Variants in TNFSF4 observed in about 807,000 individuals in gnomAD.
The protein encoded by TNFSF4 is TNF superfamily member 4.
A neutral mutation model predicts 7.3 loss-of-function variants in TNFSF4; 4 were observed. That is an observed-to-expected ratio of 0.55 (90% CI 0.27 to 1.25). TNFSF4 has a LOEUF of 1.25. TNFSF4 is among the 50% of genes most tolerant of loss of function. TNFSF4 has a pLI of 0.12. For missense variants in TNFSF4, 181 were observed against 208.8 expected, an observed-to-expected ratio of 0.87 and a Z score of 0.82; for synonymous variants, 76 against 83.7, an observed-to-expected ratio of 0.91 and a Z score of 0.50.
chr1:173,234,017 A>C, the TNFSF4 span, among the ~76,000 whole-genome samples: 1 of 152,238 alleles, frequency 6.6e-6, no homozygotes, highest in Non-Finnish European at 1.5e-5. Context: ...GGCAACCTAC[A>C]GAATGGGAGA....
chr1:173,242,251 G>T, the TNFSF4 span, among the ~76,000 whole-genome samples: 1 of 152,082 alleles, frequency 6.6e-6, no homozygotes, highest in Non-Finnish European at 1.5e-5. Flanking sequence ...ATGATCATCT[G>T]GTTATGACAG....
At chr1:173,189,653 G>T (rs538600043) in intron 1 of TNFSF4, among the ~76,000 whole-genome samples, 129 of 152,182 alleles carry the variant, frequency 8.5e-4, no homozygotes, top group Non-Finnish European at 1.3e-3. Flanking sequence ...GTAAAAAAAA[G>T]TTGGGGGGGG....
chr1:173,357,018 G>C, the TNFSF4 span, among the ~76,000 whole-genome samples: 1 of 152,082 alleles, frequency 6.6e-6, no homozygotes. Flanking sequence ...TTCTCTTTTT[G>C]TTCCTAACTG....
Position 173,186,815 on chromosome 1 carries a change from T to G in TNFSF4, c.253A>C (p.Ile85Leu). ...FILTSQKEDE[I>L]MKVQNNSVII... Reference sequence around the variant, plus strand: ...ACTGAGTTGTTCTGCACCTTCATGATTTCATCCTCCTTTTGGGAAGTGAGG... The same window carrying G: ...ACTGAGTTGTTCTGCACCTTCATGAGTTCATCCTCCTTTTGGGAAGTGAGG... The change falls in exon 3 of 3, where the codon ATC (isoleucine) becomes CTC (leucine). Residue 85 changes from isoleucine to leucine, a missense_variant. Ile to Leu is a conservative substitution (Grantham distance 5, BLOSUM62 2). Transcript: ENST00000281834. 1.9e-6 allele frequency: 3 copies of G among 1,611,836 alleles called. No individual in the cohort carries two copies. Among genetic ancestry groups the G allele is most frequent in the Non-Finnish European group, 2.5e-6 (3 of 1,178,830 alleles).
the TNFSF4 span, among the ~76,000 whole-genome samples, chr1:173,434,918 G>T: frequency 6.6e-6 from 1 of 152,186 alleles, no homozygotes; most frequent in Non-Finnish European, 1.5e-5. Context: ...AAACACTGAA[G>T]AAAGAAAGAG....
chr1:173,382,194 C>T, the TNFSF4 span, among the ~76,000 whole-genome samples: 1 of 152,048 alleles, frequency 6.6e-6, no homozygotes, highest in Admixed American at 6.5e-5. Flanking sequence ...AGACCACAAA[C>T]CCACCGGGAG....
the TNFSF4 span, among the ~76,000 whole-genome samples, chr1:173,228,148 C>T: frequency 6.6e-6 from 1 of 152,198 alleles, no homozygotes; most frequent in Non-Finnish European, 1.5e-5. Flanking sequence ...GGTCCCTGAC[C>T]CATGAGTAGC....
At chr1:173,273,819 A>G in the TNFSF4 span, among the ~76,000 whole-genome samples, 4 of 152,242 alleles carry the variant, frequency 2.6e-5, no homozygotes, top group African/African-American at 9.6e-5. Flanking sequence ...CATAGAATAT[A>G]GCAAACTATT....
At chr1:173,229,654 C>G in the TNFSF4 span, among the ~76,000 whole-genome samples, 2 of 152,106 alleles carry the variant, frequency 1.3e-5, no homozygotes, top group African/African-American at 2.4e-5. Flanking sequence ...GATAAAGAGT[C>G]AAGACCCATC....
the TNFSF4 span, among the ~76,000 whole-genome samples, chr1:173,255,489 T>A: frequency 0.051 from 7,786 of 152,300 alleles, 239 homozygotes; most frequent in East Asian, 0.13. Flanking sequence ...GTATTGGCTA[T>A]TTGGTATTAA....
chr1:173,420,529 G>A, the TNFSF4 span, among the ~76,000 whole-genome samples: 2 of 145,982 alleles, frequency 1.4e-5, no homozygotes, highest in Non-Finnish European at 3.0e-5. Flanking sequence ...TGGCCACCAG[G>A]TGGCAGTAAA....
chr1:173,222,128 T>C, the TNFSF4 span, among the ~76,000 whole-genome samples: 2 of 152,056 alleles, frequency 1.3e-5, no homozygotes, highest in South Asian at 2.1e-4. Context: ...AGGTATATTT[T>C]CTCCCTCCAA....
rs977751503 is a variant in TNFSF4 at position 173,185,564 on chromosome 1, C to G, written c.*952G>C. 6.6e-6 allele frequency: 1 copy of G among 152,176 alleles called. No individual in the cohort carries two copies. Among genetic ancestry groups the G allele is most frequent in the Non-Finnish European group, 1.5e-5 (1 of 68,036 alleles). The allele number at this position is 152,176 out of a possible 1,614,324, so 9.4% of individuals were successfully genotyped here. A position where few individuals can be genotyped will look rare whatever the true frequency, so the allele number is the denominator to read the frequency against. On this transcript the variant is annotated 3_prime_UTR_variant, in exon 3 of 3. Transcript: ENST00000281834. ...GAAACCAGCAATGTTTCTGTGTGTACAAGACATGGAGCTGAGTGCGTATCT... is the reference window on the plus strand; with the variant it reads ...GAAACCAGCAATGTTTCTGTGTGTAGAAGACATGGAGCTGAGTGCGTATCT...
the TNFSF4 span, among the ~76,000 whole-genome samples, chr1:173,413,011 A>G: frequency 1.3e-5 from 2 of 152,202 alleles, no homozygotes; most frequent in Admixed American, 1.3e-4. Context: ...ACGGGGTCCT[A>G]TGGCCCATCC....
chr1:173,444,145 T>A, the TNFSF4 span, among the ~76,000 whole-genome samples: 2 of 152,118 alleles, frequency 1.3e-5, no homozygotes, highest in Non-Finnish European at 2.9e-5. Flanking sequence ...ATCGAAACCA[T>A]TTATTTAAAT....
At chr1:173,214,250 T>C in the TNFSF4 span, among the ~76,000 whole-genome samples, 1 of 152,176 alleles carries the variant, frequency 6.6e-6, no homozygotes, top group Non-Finnish European at 1.5e-5. Flanking sequence ...TGAACTAACT[T>C]GGCCAAGGTC....
At chr1:173,349,545 C>G in the TNFSF4 span, among the ~76,000 whole-genome samples, 1 of 152,170 alleles carries the variant, frequency 6.6e-6, no homozygotes, top group Non-Finnish European at 1.5e-5. Flanking sequence ...TGTCTCTAAC[C>G]GACAAAGTGG....
At chr1:173,321,516 G>T in the TNFSF4 span, among the ~76,000 whole-genome samples, 1 of 151,936 alleles carries the variant, frequency 6.6e-6, no homozygotes. Context: ...TACAGCAAAA[G>T]AAACTATCAT....
chr1:173,417,293 C>A, the TNFSF4 span, among the ~76,000 whole-genome samples: 1 of 152,142 alleles, frequency 6.6e-6, no homozygotes, highest in Admixed American at 6.6e-5. Context: ...TAATGAAATA[C>A]CCGCTTCATA....
Sources: allele counts gnomAD v4.1 joint callset (sites outside exome capture counted in the v4.1 genomes callset), GRCh38; gene constraint gnomAD v4.1.1; transcripts MANE v1.5; gene names NCBI Gene and HGNC (gene_info 2026-07-23, HGNC 2026-07-21).